POFUT1: variants seen among roughly 807,000 people sequenced by gnomAD.
POFUT1 encodes the protein GDP-fucose protein O-fucosyltransferase 1.
POFUT1 carries 16 observed loss-of-function variants against 42.4 expected under a neutral mutation model. The observed-to-expected ratio is 0.38, with a 90% confidence interval of 0.26 to 0.57. POFUT1 has a LOEUF of 0.57. Among genes scored for constraint, POFUT1 ranks in the 20% least tolerant of loss-of-function variants. The pLI is 0.71. For missense variants in POFUT1, 470 were observed against 504.6 expected (o/e 0.93, Z 0.66); for synonymous variants, 206 against 205.4 (o/e 1.00, Z -0.03).
rs777102785 is a variant in POFUT1 at position 32,235,536 on chromosome 20, C to T, written c.*875C>T. On this transcript the variant is annotated 3_prime_UTR_variant, in exon 7 of 7. Coordinates refer to ENST00000375749, the MANE Select transcript of POFUT1 (RefSeq NM_015352.2). The stretch of plus-strand genomic sequence containing the variant: ...GATATCCAAAGCCTGTTCTCCCAGC[C>T]GTCCTCCTGCAGCTGGAGCCTTCAG... The T allele has an allele frequency of 6.6e-6, 1 of 152,268 alleles. No individual in the cohort carries two copies. The highest frequency in any genetic ancestry group is 2.1e-4 in the South Asian group (1 of 4,836). The allele number at this position is 152,268 out of a possible 1,614,324, so 9.4% of individuals were successfully genotyped here. A position where few individuals can be genotyped will look rare whatever the true frequency, so the allele number is the denominator to read the frequency against.
rs763123143 is a variant in POFUT1, at chr20:32,210,192, C to T, written c.246C>T (p.Asn82=). The T allele has an allele frequency of 1.7e-5, 28 of 1,614,140 alleles. 1 individual carries two copies. Among genetic ancestry groups the T allele is most frequent in the Admixed American group, 5.0e-5 (3 of 60,028 alleles). ...EYQHHKPPFT[N]LHVSYQKYFK... is the part of the protein sequence containing the mutation. ...AGCATCACAAGCCTCCTTTCACCAACGTGAGTACTTCCCACTGACCTTGGC... is the reference window on the plus strand; with the variant it reads ...AGCATCACAAGCCTCCTTTCACCAATGTGAGTACTTCCCACTGACCTTGGC... Residue 82 remains asparagine, a splice_region_variant and synonymous_variant, in exon 2 of 7, where the codon AAC becomes AAT. Transcript: ENST00000375749.
At chr20:32,223,618 C>T in intron 4 of POFUT1, 1 of 985,426 alleles carries the variant, frequency 1.0e-6, no homozygotes, top group Non-Finnish European at 1.2e-6. Context: ...AGCTGAAGAC[C>T]TGGCCTATAG....
At chr20:32,218,019 G>C (rs1182709525) in intron 4 of POFUT1, 2 of 152,310 alleles carry the variant, frequency 1.3e-5, no homozygotes, top group East Asian at 3.8e-4. Context: ...ACTGCCATCT[G>C]TGCTTTACAC....
At chr20:32,217,630 C>G in intron 4 of POFUT1, 6 of 985,856 alleles carry the variant, frequency 6.1e-6, no homozygotes, top group Non-Finnish European at 7.2e-6. Flanking sequence ...AAAACAAGCA[C>G]AGGCCAAGGA....
chr20:32,219,757 A>G (rs967775458), intron 4 of POFUT1, among the ~76,000 whole-genome samples: 4 of 152,100 alleles, frequency 2.6e-5, no homozygotes, highest in Non-Finnish European at 4.4e-5. Flanking sequence ...TCGGCCTCCC[A>G]AAGTGCTGGG....
chr20:32,223,369 T>G, intron 4 of POFUT1: 1 of 985,402 alleles, frequency 1.0e-6, no homozygotes, highest in Non-Finnish European at 1.2e-6. Context: ...CTCTTGCTGC[T>G]TGTTGGGTCT....
In POFUT1 at chr20:32,234,834, A is replaced by G. The variant is rs1010438752; in HGVS notation, c.*173A>G. ...CAAGGAGGGAGACGCTCCATATCCC[A>G]GGGCATAGGACTTGCAGGTTCCTAG... On this transcript the variant is annotated 3_prime_UTR_variant, in exon 7 of 7. Transcript: ENST00000375749. The G allele has an allele frequency of 2.8e-5, 16 of 577,492 alleles. No homozygotes were observed. The highest frequency in any genetic ancestry group is 3.9e-5 in the Non-Finnish European group (13 of 332,908). The allele number at this position is 577,492 out of a possible 1,614,324, so 35.8% of individuals were successfully genotyped here. A position where few individuals can be genotyped will look rare whatever the true frequency, so the allele number is the denominator to read the frequency against.
intron 6 of POFUT1, 145 bp from the exon 7 acceptor site, chr20:32,234,328 C>G: frequency 1.3e-6 from 1 of 763,094 alleles, no homozygotes; most frequent in Non-Finnish European, 2.0e-6. Flanking sequence ...GCAATGCTTC[C>G]CTCAGACACT....
In POFUT1 at chr20:32,234,942, C is replaced by G. The variant is rs948794626; in HGVS notation, c.*281C>G. On this transcript the variant is annotated 3_prime_UTR_variant, in exon 7 of 7. Transcript: ENST00000375749. ...GGCAAAGCAGTCCAGCCTCCGTCTT[C>G]TGGTCCACTCTGCTCTGAGCAGCCT... 11 of 354,074 alleles carry G rather than the reference C, an allele frequency of 3.1e-5. No individual in the cohort carries two copies. The highest frequency in any genetic ancestry group is 1.3e-4 in the Admixed American group (3 of 22,832). 21.9% of individuals were successfully genotyped at this position (354,074 alleles called of 1,614,324 possible).
intron 3 of POFUT1, 71 bp from the exon 4 acceptor site, chr20:32,216,538 A>T (rs2047361317): frequency 7.8e-6 from 7 of 900,818 alleles, no homozygotes; most frequent in Non-Finnish European, 1.3e-5. Context: ...CCCCACCTAC[A>T]CTTCCCTGGC....
At position 32,228,353 on chromosome 20, in the gene POFUT1, C is replaced by G; in HGVS notation, c.633C>G (p.Tyr211Ter). ...VLEEHRPLQK[Y>*]MVWSDEMVKT... is the part of the protein sequence containing the mutation. The stretch of plus-strand genomic sequence containing the variant: ...AGGAACACAGGCCACTACAGAAGTA[C>G]ATGGTATGGTCAGACGAAATGGTGA... The change falls in exon 5 of 7, where the codon TAC becomes TAG. Residue 211 changes from tyrosine to a stop codon, truncating the protein, a stop_gained. Coordinates refer to ENST00000375749, the MANE Select transcript of POFUT1 (RefSeq NM_015352.2). LOFTEE classifies it high-confidence loss of function. 1.2e-6 allele frequency: 2 copies of G among 1,614,146 alleles called. No individual in the cohort carries two copies. Among genetic ancestry groups the G allele is most frequent in the Non-Finnish European group, 1.7e-6 (2 of 1,179,974 alleles).
intron 4 of POFUT1, among the ~76,000 whole-genome samples, chr20:32,219,902 T>C (rs1159597461): frequency 6.6e-6 from 1 of 152,236 alleles, no homozygotes; most frequent in Admixed American, 6.5e-5. Flanking sequence ...ATCCCTGCTG[T>C]ACAAAGTTTA....
intron 5 of POFUT1, among the ~76,000 whole-genome samples, chr20:32,228,868 C>T (rs1328677013): frequency 6.6e-6 from 1 of 152,182 alleles, no homozygotes; most frequent in African/African-American, 2.4e-5. Flanking sequence ...AATTTGGAGG[C>T]TGTTTAAATG....
rs112722780 is a variant in POFUT1 at position 32,215,243 on chromosome 20, G to T, written c.247-26G>T. 8.4e-5 allele frequency: 134 copies of T among 1,588,654 alleles called. No homozygotes were observed. In the African/African-American group the frequency reaches 1.2e-3, roughly 15 times the overall value. ...AGTAGCCACGGGGGCACTGAGACGGGACCTCTGCTCCTCCTTTTCCTGTAG... is the reference window on the plus strand; with the variant it reads ...AGTAGCCACGGGGGCACTGAGACGGTACCTCTGCTCCTCCTTTTCCTGTAG... On this transcript the variant is annotated intron_variant, in intron 2 of 6. Transcript: ENST00000375749.
intron 6 of POFUT1, chr20:32,231,298 A>G (rs754106797): frequency 7.7e-6 from 4 of 519,390 alleles, no homozygotes; most frequent in Non-Finnish European, 1.0e-5. Context: ...TCGTGGCCCT[A>G]TATCATTTCT....
chr20:32,221,582 C>T lies in POFUT1; in HGVS notation c.542+4861C>T, dbSNP rs533850801. On this transcript the variant is annotated intron_variant, in intron 4 of 6. Transcript: ENST00000375749. ...AGAAAAAATTAGCCAGGCATGGTGGCGCATACCTGTAGTTCCAGTTACTTG... is the reference window on the plus strand; with the variant it reads ...AGAAAAAATTAGCCAGGCATGGTGGTGCATACCTGTAGTTCCAGTTACTTG... Among the ~76,000 whole-genome samples the T allele has an allele frequency of 4.4e-3, 672 of 152,062 alleles. 5 individuals are homozygous for T. Among genetic ancestry groups the T allele is most frequent in the African/African-American group, 0.015 (616 of 41,454 alleles).
intron 4 of POFUT1, chr20:32,217,641 G>A: frequency 1.0e-6 from 1 of 985,890 alleles, no homozygotes; most frequent in Non-Finnish European, 1.2e-6. Context: ...AGGCCAAGGA[G>A]TGAGATAGCC....
In POFUT1 at chr20:32,234,794, G is replaced by A. The variant is rs2047461559; in HGVS notation, c.*133G>A. 1.3e-6 allele frequency: 1 copy of A among 770,426 alleles called. No homozygotes were observed. The highest frequency in any genetic ancestry group is 2.0e-6 in the Non-Finnish European group (1 of 492,716). The allele number at this position is 770,426 out of a possible 1,614,324, so 47.7% of individuals were successfully genotyped here. ...TCTCACCTGCCAAAGATGGAGAAGA[G>A]TGCCAGGGACCCCTCAAGGAGGGAG... On this transcript the variant is annotated 3_prime_UTR_variant, in exon 7 of 7. Transcript: ENST00000375749.
At chr20:32,221,720 A>C (rs1352157947) in intron 4 of POFUT1, among the ~76,000 whole-genome samples, 1 of 151,964 alleles carries the variant, frequency 6.6e-6, no homozygotes, top group Non-Finnish European at 1.5e-5. Flanking sequence ...TCTTAAAAAA[A>C]AAAAATGCCT....
Sources: gnomAD v4.1 joint callset for allele counts (sites outside exome capture counted in the v4.1 genomes callset) on GRCh38, gnomAD v4.1.1 for gene constraint, MANE v1.5 for transcripts, NCBI Gene and HGNC (gene_info 2026-07-23, HGNC 2026-07-21) for gene names.